The following DMD variants were observed in gnomAD, a reference collection of about 807,000 sequenced individuals.
The protein encoded by DMD is mutant dystrophin.
DMD carries 63 observed loss-of-function variants against 330.1 expected under a neutral mutation model. The observed-to-expected ratio is 0.19, with a 90% CI of 0.16 to 0.24. The LOEUF (loss-of-function observed/expected upper bound fraction) is 0.24, where lower values mean the gene tolerates loss of function less well. DMD is among the 10% of genes least tolerant of loss of function. The pLI, the probability that DMD is intolerant of heterozygous loss-of-function variation, is 1.00. For missense variants in DMD, 3,344 were observed against 2,684.1 expected (o/e 1.25, Z -5.43); for synonymous variants, 1,223 against 959.8 (o/e 1.27, Z -5.07).
At chrX:32,561,157 A>T (rs60031377) in intron 16 of DMD, among the ~76,000 whole-genome samples, 4,049 of 111,441 alleles carry the variant, frequency 0.036, 135 homozygotes, top group African/African-American at 0.1. Context: ...TGAGGCTAAT[A>T]TGGATGAATT....
intron 53 of DMD, among the ~76,000 whole-genome samples, chrX:31,666,003 A>C (rs758377864): frequency 1.1e-3 from 122 of 111,594 alleles, no homozygotes; most frequent in African/African-American, 3.8e-3. Flanking sequence ...TGACTTTATT[A>C]AAAGGCTTAA....
intron 55 of DMD, among the ~76,000 whole-genome samples, chrX:31,524,171 A>G (rs1200311816): frequency 2.7e-5 from 3 of 112,188 alleles, no homozygotes; most frequent in Non-Finnish European, 3.8e-5. Flanking sequence ...CGCTTCCTTC[A>G]GCTTATCAAA....
At chrX:31,716,388 C>A (rs1454224576) in intron 52 of DMD, among the ~76,000 whole-genome samples, 1 of 111,511 alleles carries the variant, frequency 9.0e-6, no homozygotes, top group Non-Finnish European at 1.9e-5. Context: ...TCTGTCTCTA[C>A]TAAAAATACA....
intron 2 of DMD, among the ~76,000 whole-genome samples, chrX:32,939,870 A>T (rs1247494977): frequency 2.7e-5 from 3 of 111,566 alleles, no homozygotes; most frequent in African/African-American, 9.8e-5. Context: ...TACTAAAATA[A>T]ATCACAGATG....
intron 30 of DMD, among the ~76,000 whole-genome samples, chrX:32,400,206 T>C (rs930726904): frequency 8.9e-5 from 10 of 112,041 alleles, no homozygotes; most frequent in African/African-American, 3.3e-4. Flanking sequence ...TCTGCATCTA[T>C]TGAGATAATC....
intron 7 of DMD, among the ~76,000 whole-genome samples, chrX:32,733,716 G>A (rs1490465298): frequency 2.7e-5 from 3 of 110,038 alleles, no homozygotes; most frequent in African/African-American, 1.0e-4. Flanking sequence ...TGAAACCAAT[G>A]AGAACAAAGA....
intron 51 of DMD, among the ~76,000 whole-genome samples, chrX:31,764,448 C>T (rs2149200079): frequency 9.0e-6 from 1 of 111,432 alleles, no homozygotes; most frequent in South Asian, 3.7e-4. Context: ...GAAAGCTTAG[C>T]CTCAATGAAG....
intron 2 of DMD, among the ~76,000 whole-genome samples, chrX:33,019,839 C>T (rs957787792): frequency 1.8e-5 from 2 of 111,268 alleles, no homozygotes; most frequent in African/African-American, 6.5e-5. Flanking sequence ...GTGACATATT[C>T]TAGCTACTTG....
chrX:32,815,580 C>T (rs1448382283), intron 6 of DMD, among the ~76,000 whole-genome samples: 2 of 102,618 alleles, frequency 1.9e-5, no homozygotes, highest in Non-Finnish European at 3.9e-5. Flanking sequence ...GTATATATGG[C>T]ATATAGTATA....
At chrX:32,193,498 A>G (rs2096984941) in intron 44 of DMD, among the ~76,000 whole-genome samples, 1 of 111,681 alleles carries the variant, frequency 9.0e-6, no homozygotes, top group Non-Finnish European at 1.9e-5. Context: ...CTGCCTGTGT[A>G]TTGATGGTGC....
intron 44 of DMD, among the ~76,000 whole-genome samples, chrX:32,056,892 T>G (rs1261601213): frequency 9.0e-6 from 1 of 110,889 alleles, no homozygotes; most frequent in East Asian, 2.8e-4. Flanking sequence ...CAAACTGAAC[T>G]CAACAGTATA....
intron 50 of DMD, among the ~76,000 whole-genome samples, chrX:31,794,694 T>C (rs766880481): frequency 1.4e-3 from 151 of 110,372 alleles, no homozygotes; most frequent in African/African-American, 4.9e-3. Flanking sequence ...CTTGACAATA[T>C]TGTATTATGA....
intron 41 of DMD, among the ~76,000 whole-genome samples, chrX:32,331,593 T>C (rs1360729523): frequency 9.0e-6 from 1 of 111,635 alleles, no homozygotes; most frequent in Non-Finnish European, 1.9e-5. Flanking sequence ...TTCTTATGTT[T>C]ATTAATATAT....
intron 7 of DMD, among the ~76,000 whole-genome samples, chrX:32,735,221 C>A (rs1222700309): frequency 1.8e-5 from 2 of 108,684 alleles, no homozygotes; most frequent in African/African-American, 6.9e-5. Flanking sequence ...ATGTGAAGGA[C>A]CTCTTCGAGG....
chrX:33,184,700 C>A (rs959164281), intron 1 of DMD, among the ~76,000 whole-genome samples: 32 of 101,652 alleles, frequency 3.1e-4, no homozygotes, highest in African/African-American at 1.1e-3. Flanking sequence ...AGATAAATTG[C>A]AAGGATTTAT....
At chrX:33,025,472 GA>G (rs35908365) in intron 1 of DMD, among the ~76,000 whole-genome samples, 211 of 101,250 alleles carry the variant, frequency 2.1e-3, no homozygotes, top group African/African-American at 3.6e-3. Flanking sequence ...AAAACTGGGG[GA>G]AAAAAAAAAA....
chrX:33,093,793 A>AC (rs2095117589), intron 1 of DMD, among the ~76,000 whole-genome samples: 1 of 111,307 alleles, frequency 9.0e-6, no homozygotes, highest in African/African-American at 3.3e-5. Flanking sequence ...AATAACTAAG[A>AC]CGTAATCAAC....
chrX:32,017,391 A>G lies in DMD; in HGVS notation c.6439-48877T>C, dbSNP rs374101157. On this transcript the variant is annotated intron_variant, in intron 44 of 78. Coordinates refer to ENST00000357033, the MANE Select transcript of DMD (RefSeq NM_004006.3). ...ATGTTTTACAATGTATTTCAGGTCA[A>G]CAAACATTGGCATCGTCGTTGCATT... 2.7e-5 allele frequency among the ~76,000 whole-genome samples: 3 copies of G among 112,181 alleles called. No homozygotes were observed. The East Asian group carries it at 8.4e-4, about 31-fold the overall frequency.
chrX:31,141,780 G>T (rs900683045), intron 76 of DMD, among the ~76,000 whole-genome samples: 1 of 111,419 alleles, frequency 9.0e-6, no homozygotes, highest in Admixed American at 9.5e-5. Flanking sequence ...TCAGGTGGGA[G>T]GTCTGGGCTG....
Sources: allele counts gnomAD v4.1 joint callset (sites outside exome capture counted in the v4.1 genomes callset), GRCh38; gene constraint gnomAD v4.1.1; transcripts MANE v1.5; gene names NCBI Gene and HGNC (gene_info 2026-07-23, HGNC 2026-07-21).